Variants in CADM2 observed in about 807,000 individuals in gnomAD.
CADM2 encodes immunoglobulin superfamily member 4D.
In CADM2, 12 loss-of-function variants were observed where a neutral mutation model predicts 49.8. The ratio of observed to expected loss-of-function variants is 0.24; its 90% confidence interval spans 0.15 to 0.39. CADM2 has a LOEUF of 0.39. CADM2 is among the 10% of genes least tolerant of loss of function. The pLI, the probability that CADM2 is intolerant of heterozygous loss-of-function variation, is 1.00. For synonymous variants in CADM2, 214 were observed against 175.4 expected (o/e 1.22, Z -1.74); for missense variants, 378 against 492.3 (o/e 0.77, Z 2.20).
intron 1 of CADM2, among the ~76,000 whole-genome samples, chr3:85,202,270 A>G (rs917030812): frequency 4.6e-5 from 7 of 152,040 alleles, no homozygotes; most frequent in Admixed American, 4.6e-4. Flanking sequence ...AGAGTGGTGA[A>G]TCTTTTCCAG....
At chr3:85,229,791 A>G (rs1425750887) in intron 1 of CADM2, among the ~76,000 whole-genome samples, 1 of 152,148 alleles carries the variant, frequency 6.6e-6, no homozygotes, top group African/African-American at 2.4e-5. Context: ...AAGTGTGAAC[A>G]ACCTTTCTTC....
intron 1 of CADM2, among the ~76,000 whole-genome samples, chr3:85,083,618 A>C (rs1005018678): frequency 6.6e-6 from 1 of 152,226 alleles, no homozygotes; most frequent in South Asian, 2.1e-4. Context: ...AGAATACCCT[A>C]TTGGTTGTCT....
At chr3:85,870,293 A>T (rs1018691455) in intron 3 of CADM2, among the ~76,000 whole-genome samples, 1 of 150,968 alleles carries the variant, frequency 6.6e-6, no homozygotes, top group Non-Finnish European at 1.5e-5. Flanking sequence ...ACATGTGCAG[A>T]TTTGTTATAT....
At chr3:85,908,781 G>A (rs1717161256) in intron 5 of CADM2, among the ~76,000 whole-genome samples, 1 of 151,308 alleles carries the variant, frequency 6.6e-6, no homozygotes, top group Non-Finnish European at 1.5e-5. Flanking sequence ...CTGGAGTGCA[G>A]GGGCGTGGTC....
In CADM2 at chr3:85,338,981, G is replaced by T. The variant is rs151163576; in HGVS notation, c.61+379313G>T. On this transcript the variant is annotated intron_variant, in intron 1 of 9. Transcript: ENST00000383699. ...TTTCCACTTAATAAAACTAGATTGA[G>T]ACCATGCATAATTTTCCATATTGAG... Among the ~76,000 whole-genome samples the T allele has an allele frequency of 5.9e-5, 9 of 151,530 alleles. No individual in the cohort carries two copies. The East Asian group carries it at 1.7e-3, about 29-fold the overall frequency.
chr3:85,605,689 C>T (rs1416549555), intron 1 of CADM2, among the ~76,000 whole-genome samples: 1 of 151,976 alleles, frequency 6.6e-6, no homozygotes, highest in African/African-American at 2.4e-5. Flanking sequence ...GATGATTCAC[C>T]ACCTGTAATT....
intron 1 of CADM2, among the ~76,000 whole-genome samples, chr3:85,332,816 G>T (rs75999263): frequency 0.073 from 11,030 of 151,714 alleles, 726 homozygotes; most frequent in African/African-American, 0.18. Flanking sequence ...TTGAAGATTT[G>T]ACTCAAAAAT....
At chr3:85,482,387 T>C (rs1356032188) in intron 1 of CADM2, among the ~76,000 whole-genome samples, 8 of 151,962 alleles carry the variant, frequency 5.3e-5, no homozygotes, top group Middle Eastern at 6.8e-3. Flanking sequence ...CAGAGACTTT[T>C]AGAAATAATG....
intron 1 of CADM2, among the ~76,000 whole-genome samples, chr3:85,432,919 G>GA (rs2107525852): frequency 6.6e-6 from 1 of 151,428 alleles, no homozygotes; most frequent in Non-Finnish European, 1.5e-5. Flanking sequence ...CACTACCTAA[G>GA]AAAAAAAGAA....
chr3:85,692,970 C>G (rs1483952067), intron 1 of CADM2, among the ~76,000 whole-genome samples: 12 of 152,100 alleles, frequency 7.9e-5, no homozygotes, highest in Admixed American at 2.6e-4. Context: ...TGGTTCATGC[C>G]TGTAATCCCA....
chr3:85,726,416 A>G (rs73142842), intron 1 of CADM2, 106 bp from the exon 2 acceptor site: 12,401 of 1,185,128 alleles, frequency 0.01, 100 homozygotes, highest in Middle Eastern at 0.049. Context: ...TCACAAATGT[A>G]CTCTTTAGAC....
chr3:85,347,369 A>C (rs2030791004), intron 1 of CADM2, among the ~76,000 whole-genome samples: 1 of 150,030 alleles, frequency 6.7e-6, no homozygotes, highest in Non-Finnish European at 1.5e-5. Context: ...GTGATCACGT[A>C]TGTATAATTT....
chr3:85,078,703 A>G (rs2107494107), intron 1 of CADM2, among the ~76,000 whole-genome samples: 1 of 151,828 alleles, frequency 6.6e-6, no homozygotes, highest in East Asian at 1.9e-4. Flanking sequence ...TTTTCTCTTA[A>G]AATGAGCCTT....
intron 1 of CADM2, among the ~76,000 whole-genome samples, chr3:85,359,507 T>C (rs1395211009): frequency 2.7e-5 from 4 of 150,588 alleles, no homozygotes; most frequent in Non-Finnish European, 4.4e-5. Context: ...GTCAGTGAAA[T>C]AAATTCAATC....
At chr3:85,640,548 G>A (rs1021332457) in intron 1 of CADM2, among the ~76,000 whole-genome samples, 2 of 152,166 alleles carry the variant, frequency 1.3e-5, no homozygotes, top group Non-Finnish European at 2.9e-5. Flanking sequence ...TGTAATGTAT[G>A]AGAGAGATTG....
chr3:85,136,836 A>G (rs548579491), intron 1 of CADM2, among the ~76,000 whole-genome samples: 24 of 151,972 alleles, frequency 1.6e-4, no homozygotes, highest in Non-Finnish European at 3.1e-4. Context: ...TAAAATATGC[A>G]TTTTAAACAT....
intron 1 of CADM2, among the ~76,000 whole-genome samples, chr3:85,385,120 A>C (rs527356251): frequency 6.6e-6 from 1 of 152,108 alleles, no homozygotes; most frequent in Admixed American, 6.5e-5. Flanking sequence ...TATTTAGTAT[A>C]GATGGGGTTT....
chr3:85,990,041 A>AAAAAAAG (rs1559786301), intron 8 of CADM2, among the ~76,000 whole-genome samples: 2 of 149,078 alleles, frequency 1.3e-5, no homozygotes, highest in African/African-American at 5.0e-5. Flanking sequence ...AAAAAAAAAA[A>AAAAAAAG]AAAGAAGACT....
chr3:85,724,944 A>G (rs903004322), intron 1 of CADM2, among the ~76,000 whole-genome samples: 1 of 151,872 alleles, frequency 6.6e-6, no homozygotes, highest in South Asian at 2.1e-4. Flanking sequence ...TTTAAATTTT[A>G]TGAATTATTG....
Sources: allele counts gnomAD v4.1 joint callset (sites outside exome capture counted in the v4.1 genomes callset), GRCh38; gene constraint gnomAD v4.1.1; transcripts MANE v1.5; gene names NCBI Gene and HGNC (gene_info 2026-07-23, HGNC 2026-07-21).